The following PARP4 variants were observed in gnomAD, a reference collection of about 807,000 sequenced individuals.
The protein encoded by PARP4 is protein mono-ADP-ribosyltransferase PARP4.
In PARP4, 120 loss-of-function variants were observed where a neutral mutation model predicts 187.7. The ratio of observed to expected loss-of-function variants is 0.64; its 90% CI spans 0.55 to 0.74. The LOEUF (loss-of-function observed/expected upper bound fraction) is 0.74. PARP4 is among the 30% of genes least tolerant of loss of function. The probability of loss-of-function intolerance (pLI) is 0.00; values close to 1 mark genes in which losing one functional copy is unlikely to be tolerated. For missense variants in PARP4, 1,836 were observed against 2,070.5 expected, an observed-to-expected ratio of 0.89 and a Z score of 2.20; for synonymous variants, 654 against 740.9, an observed-to-expected ratio of 0.88 and a Z score of 1.90.
chr13:24,435,062 T>G lies in PARP4; in HGVS notation c.4079A>C (p.Asp1360Ala). 6.2e-7 allele frequency: 1 copy of G among 1,614,042 alleles called. No homozygotes were observed. The highest frequency in any genetic ancestry group is 8.5e-7 in the Non-Finnish European group (1 of 1,180,028). ...AGGGCCTTGGCTGAATTGAGATGCA[T>G]CAAACTGTCTGGGAGGAGCAGCTGA... Reference protein sequence around the residue: ...FGSAAPPRQFDASQFSQGPVP... With the variant: ...FGSAAPPRQFAASQFSQGPVP... The change falls in exon 31 of 34, where the codon GAT becomes GCT. Residue 1360 changes from aspartate to alanine, a missense_variant. By Grantham distance (126) the Asp-to-Ala change is moderately radical. Transcript: ENST00000381989.
At chr13:24,498,720 T>C (rs9581082) in intron 5 of PARP4, among the ~76,000 whole-genome samples, 14,873 of 151,654 alleles carry the variant, frequency 0.098, 800 homozygotes, top group Non-Finnish European at 0.12. Flanking sequence ...TGATGCCACA[T>C]CAGACACTAG....
chr13:24,506,381 T>C (rs1472189997), intron 1 of PARP4, among the ~76,000 whole-genome samples: 2 of 152,060 alleles, frequency 1.3e-5, no homozygotes, highest in East Asian at 1.9e-4. Flanking sequence ...AAACAAAGCT[T>C]CCACAGCGTG....
In PARP4 at chr13:24,492,665, A is replaced by G. The variant is rs1868725062; in HGVS notation, c.880-71T>C. On this transcript the variant is annotated intron_variant, in intron 8 of 33. Transcript: ENST00000381989. The stretch of plus-strand genomic sequence containing the variant: ...GAAATTAAGGAGCATGCACAAAACT[A>G]TATAAATAATTGTTAGACATGTCAA... 3 of 1,235,816 alleles carry G rather than the reference A, an allele frequency of 2.4e-6. No homozygotes were observed. The African/African-American group carries it at 4.5e-5, about 19-fold the overall frequency. 76.6% of individuals were successfully genotyped at this position (1,235,816 alleles called of 1,614,324 possible).
intron 20 of PARP4, among the ~76,000 whole-genome samples, chr13:24,458,170 C>T (rs1269765978): frequency 6.0e-5 from 9 of 149,172 alleles, no homozygotes; most frequent in South Asian, 4.2e-4. Context: ...AGTGCAGTGG[C>T]GCAATCTCAG....
Position 24,426,571 on chromosome 13 carries a change from T to A in PARP4, c.4874A>T (p.Asp1625Val). 6.2e-7 allele frequency: 1 copy of A among 1,612,674 alleles called. No homozygotes were observed. The highest frequency in any genetic ancestry group is 1.3e-5 in the African/African-American group (1 of 74,954). ...LGVKGRECLL[D>V]LIATMLVLQF... ...TAGTACCAGCATTGTGGCAATTAGGTCCAGGAGACATTCTCTTCCTTTTAC... is the reference window on the plus strand; with the variant it reads ...TAGTACCAGCATTGTGGCAATTAGGACCAGGAGACATTCTCTTCCTTTTAC... The change falls in exon 33 of 34, where the codon GAC becomes GTC. Residue 1625 changes from aspartate (D) to valine (V), a missense_variant. Asp to Val is a radical substitution (Grantham distance 152). Coordinates refer to ENST00000381989, the MANE Select transcript of PARP4 (RefSeq NM_006437.4).
intron 1 of PARP4, among the ~76,000 whole-genome samples, chr13:24,505,548 A>G (rs1869589573): frequency 6.6e-6 from 1 of 151,262 alleles, no homozygotes; most frequent in African/African-American, 2.4e-5. Flanking sequence ...TAAACCCCCC[A>G]GAAATGTTTC....
intron 17 of PARP4, among the ~76,000 whole-genome samples, chr13:24,462,146 A>C (rs1305267216): frequency 6.6e-6 from 1 of 152,174 alleles, no homozygotes; most frequent in Non-Finnish European, 1.5e-5. Context: ...CCCCTGCCCC[A>C]CCAGGAGCCT....
intron 1 of PARP4, among the ~76,000 whole-genome samples, chr13:24,509,812 T>C (rs1869901455): frequency 6.6e-6 from 1 of 151,984 alleles, no homozygotes; most frequent in Non-Finnish European, 1.5e-5. Flanking sequence ...GTAATTCTCG[T>C]GCCTCAGCCT....
At chr13:24,456,317 A>G in intron 21 of PARP4, 24 bp downstream of exon 21, 1 of 1,570,538 alleles carries the variant, frequency 6.4e-7, no homozygotes, top group Non-Finnish European at 8.7e-7. Flanking sequence ...AGTGTCTCCT[A>G]TGTCTAAGTA....
At chr13:24,427,727 G>C (rs1870131476) in intron 32 of PARP4, among the ~76,000 whole-genome samples, 1 of 151,978 alleles carries the variant, frequency 6.6e-6, no homozygotes, top group Admixed American at 6.6e-5. Flanking sequence ...ATAATATAAT[G>C]TTCTTAATAG....
chr13:24,462,169 C>T (rs1872242252), intron 17 of PARP4, among the ~76,000 whole-genome samples: 1 of 152,202 alleles, frequency 6.6e-6, no homozygotes, highest in African/African-American at 2.4e-5. Flanking sequence ...TACAGCACAT[C>T]AAGCAACAGC....
intron 6 of PARP4, among the ~76,000 whole-genome samples, chr13:24,496,013 C>A (rs1258151207): frequency 1.3e-5 from 2 of 151,916 alleles, no homozygotes; most frequent in Non-Finnish European, 2.9e-5. Context: ...AGGAAGGCAC[C>A]CTGAGGGATG....
chr13:24,503,453 G>A (rs1035055170), intron 2 of PARP4, among the ~76,000 whole-genome samples, 192 bp downstream of exon 2: 2 of 152,154 alleles, frequency 1.3e-5, no homozygotes, highest in Non-Finnish European at 2.9e-5. Flanking sequence ...GAACAGGGAG[G>A]GGACAGGGCT....
chr13:24,459,312 T>C lies in PARP4; in HGVS notation c.2299-2A>G, dbSNP rs1213168352. On this transcript the variant is annotated splice_acceptor_variant, in intron 18 of 33. Coordinates refer to ENST00000381989, the MANE Select transcript of PARP4 (RefSeq NM_006437.4). LOFTEE classifies it high-confidence loss of function. ...TATACAAATCTTCTCTACTGTATCC[T>C]GTTAAAAGAAAAATACATTTGTATA... is the stretch of plus-strand genomic sequence containing the variant. 2.6e-6 allele frequency: 4 copies of C among 1,544,606 alleles called. No homozygotes were observed. The African/African-American group carries it at 4.1e-5, about 16-fold the overall frequency.
At chr13:24,464,329 T>A (rs757958451) in intron 17 of PARP4, among the ~76,000 whole-genome samples, 1 of 152,008 alleles carries the variant, frequency 6.6e-6, no homozygotes, top group African/African-American at 2.4e-5. Context: ...AAAAAGAGCC[T>A]GTAGAGCCAA....
chr13:24,467,709 A>C (rs1320908891), intron 17 of PARP4, among the ~76,000 whole-genome samples: 1 of 152,204 alleles, frequency 6.6e-6, no homozygotes, highest in Non-Finnish European at 1.5e-5. Flanking sequence ...TTGGGTTAGC[A>C]ATAGTTCTGA....
intron 10 of PARP4, 134 bp downstream of exon 10, chr13:24,490,534 A>G: frequency 1.4e-6 from 1 of 712,150 alleles, no homozygotes; most frequent in South Asian, 1.9e-5. Context: ...AGAAGAAAGT[A>G]ATGTGTCATC....
chr13:24,503,729 C>G lies in PARP4; in HGVS notation c.48G>C (p.Lys16Asn). The G allele has an allele frequency of 6.2e-7, 1 of 1,614,060 alleles. No homozygotes were observed. Among genetic ancestry groups the G allele is most frequent in the Non-Finnish European group, 8.5e-7 (1 of 1,179,938 alleles). ...TTTTCTTCTGCTGCTGAGGTAAGTA[C>G]TTCACTTTCAAACAGAAGATACAAT... The part of the protein sequence containing the change: ...FANCIFCLKV[K>N]YLPQQQKKKL... Residue 16 changes from lysine (K) to asparagine (N), a missense_variant, in exon 2 of 34, where the codon AAG becomes AAC. Transcript: ENST00000381989.
rs1469206684 is a variant in PARP4 at position 24,452,475 on chromosome 13, T to A, written c.2945A>T (p.Asp982Val). 9 of 1,614,038 alleles carry A rather than the reference T, an allele frequency of 5.6e-6. No individual in the cohort carries two copies. Among genetic ancestry groups the A allele is most frequent in the Non-Finnish European group, 7.6e-6 (9 of 1,180,016 alleles). Residue 982 changes from aspartate to valine, a missense_variant, in exon 24 of 34, where the codon GAT becomes GTT. By Grantham distance (152) the Asp-to-Val change is radical. This residue lies in a region of PARP4 where 1,147 missense variants were observed against 1,214.2 expected (regional missense o/e 0.94). Coordinates refer to ENST00000381989, the MANE Select transcript of PARP4 (RefSeq NM_006437.4). ...CACGAGCTGTAATGTCAGGCTCTCA[T>A]CCTGGAGGTGCCCATCAGACACCAG... ...ILLVSDGHLQ[D>V]ESLTLQLVKR...
Sources: allele counts gnomAD v4.1 joint callset (sites outside exome capture counted in the v4.1 genomes callset), GRCh38; gene constraint gnomAD v4.1.1; regional missense constraint gnomAD v4.1.1; transcripts MANE v1.5; gene names NCBI Gene and HGNC (gene_info 2026-07-23, HGNC 2026-07-21).